The following ZNF462 variants were observed in gnomAD, a reference collection of about 807,000 sequenced individuals.
ZNF462 encodes zinc finger PBX1-interacting protein.
A neutral mutation model predicts 201.9 loss-of-function variants in ZNF462; 10 were observed. The observed-to-expected ratio is 0.05, with a 90% CI of 0.03 to 0.08. The LOEUF is 0.08. Among genes scored for constraint, ZNF462 ranks in the 10% least tolerant of loss-of-function variants. The pLI, the probability that ZNF462 is intolerant of heterozygous loss-of-function variation, is 1.00. For synonymous variants in ZNF462, 1,227 were observed against 1,193.3 expected (o/e 1.03, Z -0.58); for missense variants, 2,523 against 3,168.3 (o/e 0.80, Z 4.89).
At chr9:106,960,552 T>G (rs771189711) in intron 7 of ZNF462, among the ~76,000 whole-genome samples, 2 of 152,126 alleles carry the variant, frequency 1.3e-5, no homozygotes, top group African/African-American at 2.4e-5. Flanking sequence ...GAAACCTTAC[T>G]TCCTCATCAC....
chr9:106,888,612 C>A (rs1009845985), intron 1 of ZNF462, among the ~76,000 whole-genome samples: 1 of 152,192 alleles, frequency 6.6e-6, no homozygotes, highest in Non-Finnish European at 1.5e-5. Context: ...TCTTCAGTAT[C>A]AGATAGCTCC....
At chr9:106,997,776 A>C (rs1828850591) in intron 10 of ZNF462, among the ~76,000 whole-genome samples, 1 of 152,168 alleles carries the variant, frequency 6.6e-6, no homozygotes, top group African/African-American at 2.4e-5. Flanking sequence ...GGGGTTGGCA[A>C]ACTATGATGC....
At chr9:106,914,333 C>T (rs369967701) in intron 1 of ZNF462, among the ~76,000 whole-genome samples, 1 of 152,130 alleles carries the variant, frequency 6.6e-6, no homozygotes. Context: ...AATTCTTTGT[C>T]GTGGGGACTG....
intron 1 of ZNF462, among the ~76,000 whole-genome samples, chr9:106,908,910 C>CATATATATATATATATATATATAT (rs1192231869): frequency 2.3e-5 from 1 of 43,988 alleles, no homozygotes; most frequent in African/African-American, 1.1e-4. Context: ...CCCATATATA[C>CATATATATATATATATATATATAT]ATATATATAT....
intron 1 of ZNF462, among the ~76,000 whole-genome samples, chr9:106,892,916 C>G (rs546380606): frequency 3.3e-5 from 5 of 152,274 alleles, no homozygotes; most frequent in East Asian, 1.9e-4. Context: ...CATTCCTGCT[C>G]TCACAGTCAG....
rs2132155548 is a variant in ZNF462, at chr9:106,978,637, T to C, written c.6832+4364T>C. Reference sequence around the variant, plus strand: ...ACTTCTCTTTCAAGGATGAAGTCAGTGGTAGGACTTTTGGTAGGTTTTCAT... The same window carrying C: ...ACTTCTCTTTCAAGGATGAAGTCAGCGGTAGGACTTTTGGTAGGTTTTCAT... On this transcript the variant is annotated intron_variant, in intron 9 of 12. Transcript: ENST00000277225. The surrounding 1 kb of genome is among the most constrained non-coding windows in gnomAD (Gnocchi z 4.1). The C allele has an allele frequency of 6.6e-6, 1 of 152,110 alleles. No individual in the cohort carries two copies. Among genetic ancestry groups the C allele is most frequent in the Middle Eastern group, 3.4e-3 (1 of 294 alleles). 9.4% of individuals were successfully genotyped at this position (152,110 alleles called of 1,614,324 possible).
In ZNF462 at chr9:106,880,430, A is replaced by T. The variant is rs1160487382; in HGVS notation, c.-31+17075A>T. 6.6e-6 allele frequency among the ~76,000 whole-genome samples: 1 copy of T among 152,236 alleles called. No individual in the cohort carries two copies. Among genetic ancestry groups the T allele is most frequent in the Non-Finnish European group, 1.5e-5 (1 of 68,050 alleles). ...AAAACTTTGAAGTGGTGTTGGCTAA[A>T]TGTAGGTACGAGGGCTGCATTAAAC... On this transcript the variant is annotated intron_variant, in intron 1 of 12. Coordinates refer to ENST00000277225, the MANE Select transcript of ZNF462 (RefSeq NM_021224.6). This position sits in a 1 kb window ranked among gnomAD's most constrained non-coding sequence, Gnocchi z 4.1.
chr9:106,927,976 C>T lies in ZNF462; in HGVS notation c.4064C>T (p.Pro1355Leu), dbSNP rs151044793. Residue 1355 changes from proline to leucine, a missense_variant, in exon 3 of 13, where the codon CCA becomes CTA. Pro to Leu is a moderately conservative substitution (Grantham distance 98). Coordinates refer to ENST00000277225, the MANE Select transcript of ZNF462 (RefSeq NM_021224.6). ...ACTAAACTGTGGGCTGGGCCAGACC[C>T]ATCCCCTCCCTCTCTCACAATGCCA... is the stretch of plus-strand genomic sequence containing the variant. ...MATKLWAGPD[P>L]SPPSLTMPAE... is the part of the protein sequence containing the mutation. The T allele has an allele frequency of 8.1e-6, 13 of 1,614,078 alleles. No homozygotes were observed. Among genetic ancestry groups the T allele is most frequent in the Non-Finnish European group, 1.0e-5 (12 of 1,180,046 alleles).
rs186710228 is a variant in ZNF462, at chr9:106,865,493, A to G, written c.-31+2138A>G. Among the ~76,000 whole-genome samples the G allele has an allele frequency of 2.0e-4, 30 of 152,294 alleles. No individual in the cohort carries two copies. The highest frequency in any genetic ancestry group is 7.0e-4 in the African/African-American group (29 of 41,560). ...GCAAATATAAAAAATAATAAGAATAATCCTGCAAGATCTCAGAGGAACTCT... is the reference window on the plus strand; with the variant it reads ...GCAAATATAAAAAATAATAAGAATAGTCCTGCAAGATCTCAGAGGAACTCT... On this transcript the variant is annotated intron_variant, in intron 1 of 12. Coordinates refer to ENST00000277225, the MANE Select transcript of ZNF462 (RefSeq NM_021224.6). This position sits in a 1 kb window ranked among gnomAD's most constrained non-coding sequence, Gnocchi z 4.1.
In ZNF462 at chr9:107,005,455, T is replaced by C. The variant is rs1829479079; in HGVS notation, c.7189+2029T>C. On this transcript the variant is annotated intron_variant, in intron 11 of 12. Coordinates refer to ENST00000277225, the MANE Select transcript of ZNF462 (RefSeq NM_021224.6). This position sits in a 1 kb window ranked among gnomAD's most constrained non-coding sequence, Gnocchi z 4.4. The stretch of plus-strand genomic sequence containing the variant: ...TGTGGTTTAATTTGCATTTCCCTGA[T>C]GATTAGTGATGTTGAACATTTTTTC... Among the ~76,000 whole-genome samples the C allele has an allele frequency of 6.6e-6, 1 of 152,214 alleles. No individual in the cohort carries two copies. The highest frequency in any genetic ancestry group is 2.4e-5 in the African/African-American group (1 of 41,468).
intron 4 of ZNF462, chr9:106,931,097 T>G (rs1331616859): frequency 5.9e-6 from 1 of 170,488 alleles, no homozygotes; most frequent in Non-Finnish European, 1.3e-5. Flanking sequence ...ACTGTTCTCA[T>G]CTGGCTGAGG....
intron 7 of ZNF462, among the ~76,000 whole-genome samples, chr9:106,967,760 AGTTCTGG>A (rs1832145521): frequency 1.3e-5 from 2 of 152,162 alleles, no homozygotes; most frequent in African/African-American, 4.8e-5. Flanking sequence ...ATAGGTTTCC[AGTTCTGG>A]GTATTTGCAG....
Position 106,968,282 on chromosome 9 carries a change from T to A in ZNF462, c.6428-3723T>A, listed in dbSNP as rs907682758. ...AACCCAATTAGACCGCACACCATAG[T>A]TGTGAGAATTAATTGCTGGCTTCTG... On this transcript the variant is annotated intron_variant, in intron 7 of 12. Coordinates refer to ENST00000277225, the MANE Select transcript of ZNF462 (RefSeq NM_021224.6). This position sits in a 1 kb window ranked among gnomAD's most constrained non-coding sequence, Gnocchi z 4.0. 6.6e-6 allele frequency among the ~76,000 whole-genome samples: 1 copy of A among 152,204 alleles called. No individual in the cohort carries two copies. The highest frequency in any genetic ancestry group is 2.4e-5 in the African/African-American group (1 of 41,472).
Position 106,925,704 on chromosome 9 carries a change from C to T in ZNF462, c.1792C>T (p.His598Tyr). Residue 598 changes from histidine (H) to tyrosine (Y), a missense_variant, in exon 3 of 13, where the codon CAC becomes TAC. Physicochemically the swap from His to Tyr is moderately conservative, Grantham distance 83. This residue lies in a region of ZNF462 where 383 missense variants were observed against 453.4 expected (regional missense o/e 0.84). Transcript: ENST00000277225. This position sits in a 1 kb window ranked among gnomAD's most constrained non-coding sequence, Gnocchi z 7.9. ...PQPPTQAAPL[H>Y]PYKCTMCNYS... ...GCCACCCACACAAGCCGCACCTCTG[C>T]ACCCATACAAATGCACCATGTGTAA... 6.2e-7 allele frequency: 1 copy of T among 1,614,174 alleles called. No homozygotes were observed. Among genetic ancestry groups the T allele is most frequent in the Non-Finnish European group, 8.5e-7 (1 of 1,180,024 alleles).
intron 7 of ZNF462, among the ~76,000 whole-genome samples, chr9:106,958,671 C>A (rs2131865561): frequency 6.6e-6 from 1 of 152,212 alleles, no homozygotes; most frequent in Middle Eastern, 3.4e-3. Flanking sequence ...CCTTATCAAT[C>A]ATGAAATAAA....
Position 106,870,203 on chromosome 9 carries a change from C to T in ZNF462, c.-31+6848C>T, listed in dbSNP as rs1434092255. ...GTATTGTCACCTACAAATGCATTGCCTTTTACTTCTGGTGAGCACATTACT... is the reference window on the plus strand; with the variant it reads ...GTATTGTCACCTACAAATGCATTGCTTTTTACTTCTGGTGAGCACATTACT... On this transcript the variant is annotated intron_variant, in intron 1 of 12. Transcript: ENST00000277225. This position sits in a 1 kb window ranked among gnomAD's most constrained non-coding sequence, Gnocchi z 4.3. Among the ~76,000 whole-genome samples the T allele has an allele frequency of 5.3e-5, 8 of 152,124 alleles. No individual in the cohort carries two copies. Among genetic ancestry groups the T allele is most frequent in the Admixed American group, 5.2e-4 (8 of 15,278 alleles).
chr9:106,924,779 G>C lies in ZNF462; in HGVS notation c.867G>C (p.Pro289=). 5 of 1,614,102 alleles carry C rather than the reference G, an allele frequency of 3.1e-6. No homozygotes were observed. Among genetic ancestry groups the C allele is most frequent in the East Asian group, 2.2e-5 (1 of 44,876 alleles). ...QQEGTNLPDV[P]NKSAPSPTSN... is the part of the protein sequence containing the mutation. ...AAGGAACTAATCTACCTGATGTGCC[G>C]AACAAGAGTGCCCCCAGCCCCACTT... The change falls in exon 3 of 13, where the codon CCG becomes CCC. Residue 289 remains proline (P), a synonymous_variant. Coordinates refer to ENST00000277225, the MANE Select transcript of ZNF462 (RefSeq NM_021224.6). This position sits in a 1 kb window ranked among gnomAD's most constrained non-coding sequence, Gnocchi z 6.2.
At chr9:106,866,044 A>G (rs781443213) in intron 1 of ZNF462, among the ~76,000 whole-genome samples, 2 of 152,194 alleles carry the variant, frequency 1.3e-5, no homozygotes, top group Non-Finnish European at 2.9e-5. Context: ...ACTGTTGAAG[A>G]TAGGTGAGGA....
rs1354935717 is a variant in ZNF462 at position 106,932,035 on chromosome 9, A to G, written c.6013-411A>G. On this transcript the variant is annotated intron_variant, in intron 4 of 12. Transcript: ENST00000277225. The surrounding 1 kb of genome is among the most constrained non-coding windows in gnomAD (Gnocchi z 6.8). ...AAGCCCTTGTTCACATTTCGCAAAC[A>G]GTAGCAACCTGTGTCCGGGTATGTT... is the stretch of plus-strand genomic sequence containing the variant. Among the ~76,000 whole-genome samples, 1 of 152,214 alleles carries G rather than the reference A, an allele frequency of 6.6e-6. No individual in the cohort carries two copies. The highest frequency in any genetic ancestry group is 1.5e-5 in the Non-Finnish European group (1 of 68,042).
Sources: gnomAD v4.1 joint callset for allele counts (sites outside exome capture counted in the v4.1 genomes callset) on GRCh38, gnomAD v4.1.1 for gene constraint, gnomAD v4.1.1 regional missense constraint, Gnocchi (gnomAD v3.1) non-coding constraint, MANE v1.5 for transcripts, NCBI Gene and HGNC (gene_info 2026-07-23, HGNC 2026-07-21) for gene names.